The following CACNB2 variants were observed in gnomAD, a reference collection of about 807,000 sequenced individuals.
The protein encoded by CACNB2 is voltage-dependent L-type calcium channel subunit beta-2.
In CACNB2, 42 loss-of-function variants were observed where a neutral mutation model predicts 73.3. The observed-to-expected ratio is 0.57, with a 90% confidence interval of 0.45 to 0.74. The LOEUF (loss-of-function observed/expected upper bound fraction) is 0.74. Ranked by LOEUF, CACNB2 falls within the 30% of genes least tolerant of loss-of-function variation. The probability of loss-of-function intolerance (pLI) is 0.00; values close to 1 mark genes in which losing one functional copy is unlikely to be tolerated. For missense variants in CACNB2, 940 were observed against 853.0 expected (o/e 1.10, Z -1.27); for synonymous variants, 348 against 310.3 (o/e 1.12, Z -1.28).
chr10:18,394,066 C>T (rs887294659), intron 2 of CACNB2, among the ~76,000 whole-genome samples: 4 of 152,080 alleles, frequency 2.6e-5, no homozygotes, highest in South Asian at 4.2e-4. Flanking sequence ...CTCAGCCTCC[C>T]GAGTAGCTGA....
chr10:18,432,502 A>G lies in CACNB2; in HGVS notation c.333+30459A>G, dbSNP rs1296546125. ...TGTGTCCCTGTCCCTATACCTCAAT[A>G]CTACTGTTAAAAACAAAAATATAAA... On this transcript the variant is annotated intron_variant, in intron 3 of 13. Transcript: ENST00000324631. Among the ~76,000 whole-genome samples, 8 of 151,614 alleles carry G rather than the reference A, an allele frequency of 5.3e-5. No individual in the cohort carries two copies. In the East Asian group the frequency reaches 1.5e-3, roughly 29 times the overall value.
chr10:18,153,624 C>T (rs1416597034), intron 2 of CACNB2, among the ~76,000 whole-genome samples: 2 of 149,674 alleles, frequency 1.3e-5, no homozygotes, highest in African/African-American at 4.9e-5. Context: ...CTCTGTTACC[C>T]AGGCTGGGGT....
chr10:18,271,894 C>T (rs2038069392), intron 2 of CACNB2, among the ~76,000 whole-genome samples: 2 of 152,164 alleles, frequency 1.3e-5, no homozygotes, highest in South Asian at 2.1e-4. Flanking sequence ...TCACCATTCT[C>T]CTCCATACCA....
chr10:18,532,318 CATAAT>C (rs1187716420), intron 10 of CACNB2, among the ~76,000 whole-genome samples: 5 of 151,984 alleles, frequency 3.3e-5, no homozygotes, highest in Admixed American at 6.6e-5. Flanking sequence ...AATATATTGA[CATAAT>C]ATAAATAATA....
At chr10:18,147,823 CAGA>C (rs1460789573) in intron 1 of CACNB2, among the ~76,000 whole-genome samples, 1 of 151,906 alleles carries the variant, frequency 6.6e-6, no homozygotes, top group South Asian at 2.1e-4. Flanking sequence ...TTAATTCCTT[CAGA>C]AGAAGTAGTC....
chr10:18,465,043 G>A, intron 3 of CACNB2, among the ~76,000 whole-genome samples: 1 of 152,142 alleles, frequency 6.6e-6, no homozygotes, highest in Non-Finnish European at 1.5e-5. Context: ...TAGAAAACTA[G>A]AAACAGCCGG....
intron 3 of CACNB2, among the ~76,000 whole-genome samples, chr10:18,429,808 GAAAA>G (rs748893112): frequency 1.4e-5 from 1 of 71,704 alleles, no homozygotes; most frequent in African/African-American, 6.3e-5. Context: ...CGTCTCTACC[GAAAA>G]AAAAAAAAAA....
intron 2 of CACNB2, among the ~76,000 whole-genome samples, chr10:18,182,991 G>T (rs1268309345): frequency 6.6e-6 from 1 of 151,620 alleles, no homozygotes. Context: ...AAATTGAATT[G>T]TAACATCTTT....
chr10:18,167,924 G>A (rs978727162), intron 2 of CACNB2, among the ~76,000 whole-genome samples: 4 of 152,036 alleles, frequency 2.6e-5, no homozygotes, highest in Admixed American at 2.0e-4. Context: ...TAAGTTCCCC[G>A]AGGTCACCCC....
At chr10:18,187,518 G>C (rs1372367459) in intron 2 of CACNB2, among the ~76,000 whole-genome samples, 2 of 152,050 alleles carry the variant, frequency 1.3e-5, no homozygotes, top group African/African-American at 4.8e-5. Flanking sequence ...GTGTTAGTAA[G>C]AAAAAGAAAG....
intron 2 of CACNB2, among the ~76,000 whole-genome samples, chr10:18,337,911 A>G (rs989844218): frequency 2.0e-5 from 3 of 152,196 alleles, no homozygotes; most frequent in Non-Finnish European, 4.4e-5. Flanking sequence ...ATCTTATACC[A>G]TGAACAAAAT....
intron 9 of CACNB2, among the ~76,000 whole-genome samples, chr10:18,519,551 C>T (rs1051972029): frequency 6.6e-6 from 1 of 152,180 alleles, no homozygotes; most frequent in South Asian, 2.1e-4. Context: ...TTCCCCATCC[C>T]CTCTCTGCTA....
At chr10:18,529,242 G>GA (rs1429502317) in intron 10 of CACNB2, among the ~76,000 whole-genome samples, 2 of 151,400 alleles carry the variant, frequency 1.3e-5, no homozygotes, top group African/African-American at 4.8e-5. Flanking sequence ...AGATTGCCAA[G>GA]ATTTTTTTTA....
rs200348808 is a variant in CACNB2 at position 18,472,221 on chromosome 10, CTTTTTTTTTTTTTTTTTT to C, written c.334-26118_334-26101del. 7.4e-4 allele frequency among the ~76,000 whole-genome samples: 88 copies of C among 119,410 alleles called. 1 individual carries two copies. The highest frequency in any genetic ancestry group is 2.3e-3 in the African/African-American group (70 of 31,072). 78.3% of individuals were successfully genotyped at this position (119,410 alleles called of 152,430 possible). ...CTTTAATATCCGGCCCACTTTTCTT[CTTTTTTTTTTTTTTTTTT>C]TTTTTTTTTTTTTTTGACATGGAGT... On this transcript the variant is annotated intron_variant, in intron 3 of 13. Coordinates refer to ENST00000324631, the MANE Select transcript of CACNB2 (RefSeq NM_201596.3).
At chr10:18,148,132 A>G (rs10764322) in intron 1 of CACNB2, among the ~76,000 whole-genome samples, 52,037 of 151,830 alleles carry the variant, frequency 0.34, 9,220 homozygotes, top group African/African-American at 0.41. Flanking sequence ...ATTCCTGTGG[A>G]AATTAGTAAA....
chr10:18,434,250 C>A (rs2046026406), intron 3 of CACNB2, among the ~76,000 whole-genome samples: 1 of 151,920 alleles, frequency 6.6e-6, no homozygotes. Context: ...AAATCATGAC[C>A]TCTATTCATG....
At chr10:18,382,279 A>G (rs770490966) in intron 2 of CACNB2, among the ~76,000 whole-genome samples, 57 of 152,014 alleles carry the variant, frequency 3.7e-4, no homozygotes, top group Non-Finnish European at 6.6e-4. Context: ...CTGTGAATGT[A>G]TATCACTCCA....
intron 3 of CACNB2, among the ~76,000 whole-genome samples, chr10:18,464,418 T>TAAAAAAAAAAAAAAAA (rs762982462): frequency 1.5e-3 from 132 of 85,202 alleles, no homozygotes; most frequent in East Asian, 2.4e-3. Flanking sequence ...TCTCAAAAAT[T>TAAAAAAAAAAAAAAAA]AAAAAAAAAA....
intron 2 of CACNB2, among the ~76,000 whole-genome samples, chr10:18,221,614 G>A (rs1300019627): frequency 6.6e-6 from 1 of 152,170 alleles, no homozygotes; most frequent in African/African-American, 2.4e-5. Flanking sequence ...GGGAGGTGAA[G>A]GTTGCAGTGA....
Sources: allele counts gnomAD v4.1 joint callset (sites outside exome capture counted in the v4.1 genomes callset), GRCh38; gene constraint gnomAD v4.1.1; transcripts MANE v1.5; gene names NCBI Gene and HGNC (gene_info 2026-07-23, HGNC 2026-07-21).